Variants in SGCZ observed in about 807,000 individuals in gnomAD.
The protein encoded by SGCZ is sarcoglycan zeta.
In SGCZ, 40 loss-of-function variants were observed where a neutral mutation model predicts 41.3. The ratio of observed to expected loss-of-function variants is 0.97; its 90% CI spans 0.75 to 1.26. The LOEUF is 1.26. Ranked by LOEUF, SGCZ falls within the 50% of genes most tolerant of loss-of-function variation. The pLI is 0.00. For synonymous variants in SGCZ, 206 were observed against 137.5 expected (o/e 1.50, Z -3.49); for missense variants, 552 against 369.8 (o/e 1.49, Z -4.04).
rs868721554 is a variant in SGCZ at position 14,551,524 on chromosome 8, A to T, written c.234+3208T>A. Among the ~76,000 whole-genome samples the T allele has an allele frequency of 1.2e-3, 12 of 9,932 alleles. 1 individual carries two copies. Among genetic ancestry groups the T allele is most frequent in the African/African-American group, 1.7e-3 (3 of 1,796 alleles). The allele number at this position is 9,932 out of a possible 152,430, so 6.5% of individuals were successfully genotyped here. On this transcript the variant is annotated intron_variant, in intron 2 of 7. Transcript: ENST00000382080. Reference sequence around the variant, plus strand: ...TATATATATTATATATATTATATATAATATATATAATATATATAATATATA... The same window carrying T: ...TATATATATTATATATATTATATATTATATATATAATATATATAATATATA...
intron 1 of SGCZ, among the ~76,000 whole-genome samples, chr8:15,145,879 T>G (rs528977659): frequency 6.6e-6 from 1 of 152,318 alleles, no homozygotes; most frequent in African/African-American, 2.4e-5. Context: ...CACATATATT[T>G]ATCTCCTCTG....
intron 1 of SGCZ, among the ~76,000 whole-genome samples, chr8:14,624,760 G>A (rs1446706276): frequency 1.3e-5 from 2 of 150,966 alleles, no homozygotes; most frequent in Non-Finnish European, 1.5e-5. Context: ...TAGTAGAGAC[G>A]GGGTTTCACC....
intron 2 of SGCZ, among the ~76,000 whole-genome samples, chr8:14,534,132 T>C (rs954224338): frequency 6.6e-6 from 1 of 151,680 alleles, no homozygotes; most frequent in African/African-American, 2.4e-5. Flanking sequence ...CCACTTGGAG[T>C]TGGAAACTGG....
chr8:14,815,627 G>A (rs1801880344), intron 1 of SGCZ, among the ~76,000 whole-genome samples: 1 of 152,106 alleles, frequency 6.6e-6, no homozygotes, highest in Non-Finnish European at 1.5e-5. Flanking sequence ...ATAGAAATAT[G>A]CAGTACCTAT....
chr8:14,663,214 T>C (rs1158875506), intron 1 of SGCZ, among the ~76,000 whole-genome samples: 1 of 152,218 alleles, frequency 6.6e-6, no homozygotes, highest in Non-Finnish European at 1.5e-5. Flanking sequence ...CAATTGTACC[T>C]ACCCCTTGGT....
At chr8:15,030,999 T>C (rs762243492) in intron 1 of SGCZ, among the ~76,000 whole-genome samples, 3 of 152,152 alleles carry the variant, frequency 2.0e-5, no homozygotes, top group Non-Finnish European at 4.4e-5. Context: ...CCTGGAGGAT[T>C]ATCCAGGAAA....
intron 1 of SGCZ, among the ~76,000 whole-genome samples, chr8:14,992,084 T>A (rs1040444250): frequency 7.1e-6 from 1 of 141,318 alleles, no homozygotes; most frequent in Admixed American, 7.2e-5. Flanking sequence ...CTCTCACCCA[T>A]CCTCCTCATC....
intron 1 of SGCZ, among the ~76,000 whole-genome samples, chr8:15,160,314 G>C (rs1376255609): frequency 1.3e-5 from 2 of 152,148 alleles, no homozygotes; most frequent in African/African-American, 4.8e-5. Context: ...TATTGTGTCA[G>C]AATCACCATC....
intron 2 of SGCZ, among the ~76,000 whole-genome samples, chr8:14,448,714 T>A (rs1800505817): frequency 6.6e-6 from 1 of 152,110 alleles, no homozygotes; most frequent in African/African-American, 2.4e-5. Context: ...TAGGTGCTGT[T>A]CCCAAGCCTC....
intron 2 of SGCZ, among the ~76,000 whole-genome samples, chr8:14,367,152 G>C (rs967411195): frequency 6.6e-6 from 1 of 151,988 alleles, no homozygotes; most frequent in African/African-American, 2.4e-5. Flanking sequence ...ACAGATCTTC[G>C]GGACAGGGGC....
chr8:14,205,077 C>T (rs914907513), intron 4 of SGCZ, among the ~76,000 whole-genome samples: 2 of 152,160 alleles, frequency 1.3e-5, no homozygotes, highest in Non-Finnish European at 2.9e-5. Flanking sequence ...TTGGTTTTCT[C>T]TCTGGAGAAC....
At chr8:14,237,757 T>G in intron 3 of SGCZ, 78 bp from the exon 4 acceptor site, 1 of 1,315,460 alleles carries the variant, frequency 7.6e-7, no homozygotes, top group Non-Finnish European at 1.1e-6. Context: ...TGCATTTGTT[T>G]GGATATTCTG....
chr8:14,545,541 C>G (rs1046468845), intron 2 of SGCZ, among the ~76,000 whole-genome samples: 2 of 151,826 alleles, frequency 1.3e-5, no homozygotes, highest in Non-Finnish European at 2.9e-5. Context: ...TTAAGATATA[C>G]TATATGCTAT....
intron 2 of SGCZ, among the ~76,000 whole-genome samples, chr8:14,435,363 C>T (rs1330912352): frequency 6.6e-6 from 1 of 152,080 alleles, no homozygotes; most frequent in Non-Finnish European, 1.5e-5. Flanking sequence ...ATCTATTGTT[C>T]CAGTCTTTGA....
chr8:14,871,815 T>A (rs1337720746), intron 1 of SGCZ, among the ~76,000 whole-genome samples: 1 of 149,250 alleles, frequency 6.7e-6, no homozygotes, highest in East Asian at 2.0e-4. Flanking sequence ...AAATGTATAA[T>A]ATGTGTGTGT....
rs76328773 is a variant in SGCZ at position 14,774,403 on chromosome 8, A to G, written c.40-219477T>C. Among the ~76,000 whole-genome samples, 1,196 of 152,304 alleles carry G rather than the reference A, an allele frequency of 7.9e-3. 16 individuals carry two copies. Among genetic ancestry groups the G allele is most frequent in the Middle Eastern group, 0.02 (6 of 294 alleles). ...ACTCTAACATACTCCGCAACAGGCTATCATCATGTAGAAGTTAGTTCATGC... is the reference window on the plus strand; with the variant it reads ...ACTCTAACATACTCCGCAACAGGCTGTCATCATGTAGAAGTTAGTTCATGC... On this transcript the variant is annotated intron_variant, in intron 1 of 7. Transcript: ENST00000382080.
At chr8:14,925,503 TAA>T (rs1799719570) in intron 1 of SGCZ, among the ~76,000 whole-genome samples, 1 of 152,192 alleles carries the variant, frequency 6.6e-6, no homozygotes, top group Non-Finnish European at 1.5e-5. Flanking sequence ...TCTTAAAGGC[TAA>T]GTTTTCATTC....
Position 14,432,057 on chromosome 8 carries a change from A to C in SGCZ, c.235-107853T>G, listed in dbSNP as rs565202204. Among the ~76,000 whole-genome samples the C allele has an allele frequency of 1.1e-4, 17 of 152,314 alleles. No individual in the cohort carries two copies. In the South Asian group the frequency reaches 3.5e-3, roughly 32 times the overall value. ...AGATGCTGGTATGGATGTGGTGAAC[A>C]GGGAACACTTCTACCCTGCTGGTGG... On this transcript the variant is annotated intron_variant, in intron 2 of 7. Coordinates refer to ENST00000382080, the MANE Select transcript of SGCZ (RefSeq NM_139167.4).
intron 4 of SGCZ, among the ~76,000 whole-genome samples, chr8:14,233,280 A>T (rs1161752391): frequency 3.3e-5 from 5 of 151,992 alleles, no homozygotes; most frequent in Non-Finnish European, 5.9e-5. Context: ...TTGTAATATA[A>T]GAAAAAGCAA....
Sources: allele counts gnomAD v4.1 joint callset (sites outside exome capture counted in the v4.1 genomes callset), GRCh38; gene constraint gnomAD v4.1.1; transcripts MANE v1.5; gene names NCBI Gene and HGNC (gene_info 2026-07-23, HGNC 2026-07-21).